The following PSMD6 variants were observed in gnomAD, a reference collection of about 807,000 sequenced individuals.
PSMD6 encodes 26S proteasome non-ATPase regulatory subunit 6.
A neutral mutation model predicts 44.9 loss-of-function variants in PSMD6; 7 were observed. The ratio of observed to expected loss-of-function variants is 0.16; its 90% CI spans 0.09 to 0.29. The LOEUF (loss-of-function observed/expected upper bound fraction) is 0.29, where lower values mean the gene tolerates loss of function less well. Among genes scored for constraint, PSMD6 ranks in the 10% least tolerant of loss-of-function variants. The pLI is 1.00. For missense variants in PSMD6, 420 were observed against 482.6 expected, an observed-to-expected ratio of 0.87 and a Z score of 1.21; for synonymous variants, 184 against 172.7, an observed-to-expected ratio of 1.07 and a Z score of -0.51.
At chr3:64,017,821 C>T (rs779968211) in intron 5 of PSMD6, 6 of 152,310 alleles carry the variant, frequency 3.9e-5, no homozygotes, top group Admixed American at 1.3e-4. Flanking sequence ...CAAACACCTT[C>T]TGAAATTTGC....
chr3:64,018,139 T>A (rs1374080197), intron 5 of PSMD6, among the ~76,000 whole-genome samples: 1 of 152,202 alleles, frequency 6.6e-6, no homozygotes, highest in African/African-American at 2.4e-5. Context: ...AATAGCCCAT[T>A]GCTGAATTCA....
intron 2 of PSMD6, among the ~76,000 whole-genome samples, chr3:64,021,006 T>C (rs1253595509): frequency 6.6e-6 from 1 of 152,194 alleles, no homozygotes; most frequent in African/African-American, 2.4e-5. Context: ...AGTACCCCTC[T>C]GGTGCCCTGA....
At chr3:64,011,779 T>TTTATCTCCACATTACAGTTAC (rs1264526506) in intron 6 of PSMD6, 1 of 152,218 alleles carries the variant, frequency 6.6e-6, no homozygotes, top group African/African-American at 2.4e-5. Context: ...TAATGAAGGC[T>TTTATCTCCACATTACAGTTAC]TTATCTCCAC....
At chr3:64,018,401 C>G (rs1254030759) in intron 5 of PSMD6, 198 bp downstream of exon 5, 2 of 471,360 alleles carry the variant, frequency 4.2e-6, no homozygotes, top group Non-Finnish European at 7.7e-6. Context: ...ATTCTTACCT[C>G]CTGGGCCATA....
chr3:64,012,783 C>G (rs2075981133), intron 6 of PSMD6: 1 of 152,272 alleles, frequency 6.6e-6, no homozygotes, highest in Admixed American at 6.5e-5. Context: ...ATTCAAATCT[C>G]AGAGCAAACC....
intron 5 of PSMD6, chr3:64,017,817 CCTT>C (rs1219984981): frequency 6.6e-6 from 1 of 152,186 alleles, no homozygotes; most frequent in African/African-American, 2.4e-5. Flanking sequence ...TAACCAAACA[CCTT>C]CTGAAATTTG....
Position 64,010,602 on chromosome 3 carries a change from G to GTGAAGTAAGCTATAAAAATTCCAAATAA in PSMD6, c.*38_*65dup. 1 of 1,184,442 alleles carries GTGAAGTAAGCTATAAAAATTCCAAATAA rather than the reference G, an allele frequency of 8.4e-7. No individual in the cohort carries two copies. Among genetic ancestry groups the GTGAAGTAAGCTATAAAAATTCCAAATAA allele is most frequent in the South Asian group, 1.4e-5 (1 of 71,638 alleles). The allele number at this position is 1,184,442 out of a possible 1,614,324, so 73.4% of individuals were successfully genotyped here. On this transcript the variant is annotated 3_prime_UTR_variant, in exon 8 of 8. Coordinates refer to ENST00000295901, the MANE Select transcript of PSMD6 (RefSeq NM_014814.3). Reference sequence around the variant, plus strand: ...TTTATACAGCTGACCTGGGCACATTGTGAAGTAAGCTATAAAAATTCCAAA... The same window carrying GTGAAGTAAGCTATAAAAATTCCAAATAA: ...TTTATACAGCTGACCTGGGCACATTGTGAAGTAAGCTATAAAAATTCCAAATAATGAAGTAAGCTATAAAAATTCCAAA...
chr3:64,022,259 G>A (rs921594543), intron 2 of PSMD6, 59 bp downstream of exon 2: 2 of 1,560,878 alleles, frequency 1.3e-6, no homozygotes, highest in African/African-American at 1.4e-5. Flanking sequence ...CGATTACCTG[G>A]AATAGTCTCC....
chr3:64,011,049 A>T, intron 6 of PSMD6, 94 bp from the exon 7 acceptor site: 1 of 1,027,376 alleles, frequency 9.7e-7, no homozygotes, highest in Non-Finnish European at 1.4e-6. Flanking sequence ...ATTTGTAACA[A>T]ACATTTAGCT....
chr3:64,022,780 T>C (rs1326008162), intron 1 of PSMD6: 1 of 1,536,146 alleles, frequency 6.5e-7, no homozygotes, highest in African/African-American at 1.4e-5. Flanking sequence ...GGTTTGCTCT[T>C]GCCGGATTCT....
At chr3:64,010,846 GGAATGCCCCT>G (rs1205685969) in intron 7 of PSMD6, 22 bp downstream of exon 7, 25 of 1,581,204 alleles carry the variant, frequency 1.6e-5, no homozygotes, top group Admixed American at 5.2e-5. Context: ...TTAAAATTTA[GGAATGCCCCT>G]TATTCTGAGA....
chr3:64,010,974 ATAACAGAATTAGCT>A lies in PSMD6; in HGVS notation c.996-33_996-20del, dbSNP rs761890128. 1 of 1,557,242 alleles carries A rather than the reference ATAACAGAATTAGCT, an allele frequency of 6.4e-7. No homozygotes were observed. ...CAGTTCCCTAATTTAGAGACAAAAA[ATAACAGAATTAGCT>A]TTATAGAAAATTCTTAGAAAAATGC... is the stretch of plus-strand genomic sequence containing the variant. On this transcript the variant is annotated intron_variant, in intron 6 of 7. Transcript: ENST00000295901.
chr3:64,011,107 C>A, intron 6 of PSMD6, 152 bp from the exon 7 acceptor site: 1 of 599,650 alleles, frequency 1.7e-6, no homozygotes, highest in Non-Finnish European at 2.9e-6. Flanking sequence ...GTTGTCCCTC[C>A]TATACTGCAG....
intron 5 of PSMD6, chr3:64,017,108 TAC>T (rs1168091259): frequency 2.0e-5 from 3 of 152,314 alleles, no homozygotes; most frequent in Non-Finnish European, 4.4e-5. Context: ...GGCAAATTCG[TAC>T]AGACATAAAG....
chr3:64,021,100 C>T (rs1302465717), intron 2 of PSMD6, among the ~76,000 whole-genome samples: 1 of 152,036 alleles, frequency 6.6e-6, no homozygotes, highest in Non-Finnish European at 1.5e-5. Context: ...GTTCATTGTC[C>T]CGGCGATTTT....
chr3:64,016,739 A>G (rs908068546), intron 5 of PSMD6: 3 of 152,196 alleles, frequency 2.0e-5, no homozygotes, highest in African/African-American at 7.2e-5. Context: ...GGGAATGTCA[A>G]ATGGTGCGGG....
chr3:64,022,592 T>G (rs772098914), intron 1 of PSMD6, 69 bp from the exon 2 acceptor site: 81 of 1,570,994 alleles, frequency 5.2e-5, no homozygotes, highest in Middle Eastern at 3.3e-4. Flanking sequence ...TGCCCACGTA[T>G]TTCACCCCCC....
intron 5 of PSMD6, chr3:64,015,062 T>G (rs1330300195): frequency 6.6e-6 from 1 of 152,140 alleles, no homozygotes; most frequent in Non-Finnish European, 1.5e-5. Context: ...AACACATGAT[T>G]TAGCAACATG....
chr3:64,019,940 G>T (rs1041520093), intron 2 of PSMD6: 2 of 152,438 alleles, frequency 1.3e-5, no homozygotes, highest in African/African-American at 4.8e-5. Context: ...GTAGTTTTCA[G>T]TATGTGTCTG....
Sources: allele counts gnomAD v4.1 joint callset (sites outside exome capture counted in the v4.1 genomes callset), GRCh38; gene constraint gnomAD v4.1.1; transcripts MANE v1.5; gene names NCBI Gene and HGNC (gene_info 2026-07-23, HGNC 2026-07-21).